Variants in RBFOX1 observed in about 807,000 individuals in gnomAD.
The protein encoded by RBFOX1 is RNA binding protein fox-1 homolog 1.
A neutral mutation model predicts 57.7 loss-of-function variants in RBFOX1; 8 were observed. That is an observed-to-expected ratio of 0.14 (90% CI 0.08 to 0.25). The LOEUF is 0.25. Ranked by LOEUF, RBFOX1 falls within the 10% of genes least tolerant of loss-of-function variation. The pLI is 1.00. For synonymous variants in RBFOX1, 326 were observed against 222.4 expected (o/e 1.47, Z -4.15); for missense variants, 611 against 548.5 (o/e 1.11, Z -1.14).
At chr16:7,438,684 G>A (rs896118375) in intron 4 of RBFOX1, among the ~76,000 whole-genome samples, 12 of 152,154 alleles carry the variant, frequency 7.9e-5, no homozygotes, top group African/African-American at 2.9e-4. Context: ...CTCCTTTAAC[G>A]TGCTAAAGTC....
intron 4 of RBFOX1, among the ~76,000 whole-genome samples, chr16:5,941,242 T>C (rs1441029944): frequency 2.6e-5 from 4 of 152,066 alleles, no homozygotes; most frequent in Non-Finnish European, 4.4e-5. Context: ...GTAATCCCAA[T>C]GCTTTGGAAG....
At chr16:7,141,002 A>G (rs1205619598) in intron 4 of RBFOX1, among the ~76,000 whole-genome samples, 1 of 152,188 alleles carries the variant, frequency 6.6e-6, no homozygotes, top group Non-Finnish European at 1.5e-5. Context: ...GTTGGAAGTA[A>G]TAATGAAGCC....
At chr16:6,180,715 G>C (rs1001708959) in intron 1 of RBFOX1, among the ~76,000 whole-genome samples, 1 of 151,696 alleles carries the variant, frequency 6.6e-6, no homozygotes, top group Admixed American at 6.6e-5. Flanking sequence ...ACAGGCACCC[G>C]CCACCACACC....
intron 2 of RBFOX1, chr16:6,577,367 T>C (rs1015020597): frequency 6.6e-6 from 1 of 152,216 alleles, no homozygotes; most frequent in Non-Finnish European, 1.5e-5. Context: ...ATGCTTAATA[T>C]TTGTCAGTAG....
intron 3 of RBFOX1, among the ~76,000 whole-genome samples, chr16:7,040,754 A>G (rs2045885830): frequency 6.6e-6 from 1 of 152,062 alleles, no homozygotes; most frequent in Non-Finnish European, 1.5e-5. Context: ...CTTTTGTTTT[A>G]TTTTGTCATA....
intron 3 of RBFOX1, among the ~76,000 whole-genome samples, chr16:6,769,547 T>G (rs1360209255): frequency 6.6e-6 from 1 of 152,222 alleles, no homozygotes; most frequent in African/African-American, 2.4e-5. Context: ...TCAGGCTGTT[T>G]CCTGTTTTTG....
chr16:6,883,173 C>G (rs1041926775), intron 3 of RBFOX1, among the ~76,000 whole-genome samples: 1 of 152,106 alleles, frequency 6.6e-6, no homozygotes, highest in East Asian at 1.9e-4. Flanking sequence ...ATTAAAGATA[C>G]GTTTAATGTT....
intron 1 of RBFOX1, among the ~76,000 whole-genome samples, chr16:6,060,196 T>C (rs953057102): frequency 6.8e-6 from 1 of 146,304 alleles, no homozygotes; most frequent in African/African-American, 2.5e-5. Context: ...TGCTTACTAA[T>C]TGGAAGGAAT....
chr16:5,967,001 G>C (rs959429052), intron 4 of RBFOX1, among the ~76,000 whole-genome samples: 1 of 129,568 alleles, frequency 7.7e-6, no homozygotes, highest in African/African-American at 2.8e-5. Context: ...CGGGGGGGGG[G>C]GGGTCAATAA....
intron 3 of RBFOX1, chr16:5,610,206 G>A (rs2047725717): frequency 6.6e-6 from 1 of 152,164 alleles, no homozygotes; most frequent in South Asian, 2.1e-4. Context: ...GCTCATTCTT[G>A]TATCCCCAGC....
At position 5,303,859 on chromosome 16, in the gene RBFOX1, C is replaced by T. The variant is rs552308079; in HGVS notation, c.219+63754C>T. On this transcript the variant is annotated intron_variant, in intron 1 of 2. Coordinates refer to the RBFOX1 transcript ENST00000585867. ...GCCTTTTTTCCCCTGGAGCTAGGCT[C>T]AGCATCTAAATAAGGGAGGAGGCCC... is the stretch of plus-strand genomic sequence containing the variant. Among the ~76,000 whole-genome samples, 6 of 152,238 alleles carry T rather than the reference C, an allele frequency of 3.9e-5. No individual in the cohort carries two copies. The South Asian group carries it at 6.2e-4, about 16-fold the overall frequency.
At chr16:6,621,414 A>G (rs1007672105) in intron 2 of RBFOX1, among the ~76,000 whole-genome samples, 3 of 152,228 alleles carry the variant, frequency 2.0e-5, no homozygotes, top group Admixed American at 2.0e-4. Context: ...CAGTGAACCA[A>G]GATTGCGCCA....
chr16:7,213,284 C>G (rs1349322644), intron 4 of RBFOX1, among the ~76,000 whole-genome samples: 1 of 152,130 alleles, frequency 6.6e-6, no homozygotes, highest in East Asian at 1.9e-4. Context: ...GCAACACATT[C>G]GCTGAGGTTG....
At chr16:6,532,401 C>T (rs2096670900) in intron 2 of RBFOX1, among the ~76,000 whole-genome samples, 1 of 152,198 alleles carries the variant, frequency 6.6e-6, no homozygotes, top group Non-Finnish European at 1.5e-5. Context: ...CTGTACTCCA[C>T]TCCAGGGTGG....
chr16:5,704,039 G>T (rs2051149320), intron 3 of RBFOX1, among the ~76,000 whole-genome samples: 1 of 152,106 alleles, frequency 6.6e-6, no homozygotes, highest in Non-Finnish European at 1.5e-5. Flanking sequence ...GCTGAATGGT[G>T]CTCTTGGGTT....
intron 4 of RBFOX1, among the ~76,000 whole-genome samples, chr16:7,316,664 A>G (rs1338574670): frequency 1.3e-5 from 2 of 152,122 alleles, no homozygotes; most frequent in Admixed American, 6.6e-5. Flanking sequence ...CTGAAGGAAA[A>G]GAGTGGGAGT....
At chr16:7,661,764 T>G (rs1277946149) in intron 12 of RBFOX1, among the ~76,000 whole-genome samples, 1 of 152,206 alleles carries the variant, frequency 6.6e-6, no homozygotes, top group Non-Finnish European at 1.5e-5. Context: ...GTATTTGGCT[T>G]GTTTGAGCTT....
chr16:5,666,679 G>T (rs1352742916), intron 3 of RBFOX1, among the ~76,000 whole-genome samples: 7 of 152,210 alleles, frequency 4.6e-5, no homozygotes, highest in African/African-American at 1.7e-4. Flanking sequence ...GATAAAGAAT[G>T]TGAAGGATGA....
chr16:7,615,287 C>A (rs10852687), intron 10 of RBFOX1, among the ~76,000 whole-genome samples: 2 of 151,762 alleles, frequency 1.3e-5, no homozygotes, highest in Non-Finnish European at 2.9e-5. Flanking sequence ...GAGCTGAGAT[C>A]GTGCCACTGC....
Sources: allele counts gnomAD v4.1 joint callset (sites outside exome capture counted in the v4.1 genomes callset), GRCh38; gene constraint gnomAD v4.1.1; transcripts MANE v1.5; gene names NCBI Gene and HGNC (gene_info 2026-07-23, HGNC 2026-07-21).